Variants in EFCAB6 observed in about 807,000 individuals in gnomAD.
The protein encoded by EFCAB6 is EF-hand calcium binding domain 6, also known as EF-hand calcium-binding domain-containing protein 6.
In EFCAB6, 156 loss-of-function variants were observed where a neutral mutation model predicts 169.8. That is an observed-to-expected ratio of 0.92 (90% CI 0.81 to 1.05). EFCAB6 has a LOEUF of 1.05. Ranked by LOEUF, EFCAB6 falls within the 50% of genes least tolerant of loss-of-function variation. The pLI is 0.00. For synonymous variants in EFCAB6, 698 were observed against 676.4 expected (o/e 1.03, Z -0.50); for missense variants, 1,800 against 1,829.1 (o/e 0.98, Z 0.29).
intron 17 of EFCAB6, among the ~76,000 whole-genome samples, chr22:43,647,103 A>C (rs1201190689): frequency 2.0e-5 from 3 of 148,498 alleles, no homozygotes; most frequent in African/African-American, 7.4e-5. Context: ...TTTCCACTAA[A>C]TCTTGCTATA....
intron 17 of EFCAB6, among the ~76,000 whole-genome samples, chr22:43,640,277 A>G (rs930146850): frequency 1.3e-5 from 2 of 152,182 alleles, no homozygotes; most frequent in African/African-American, 4.8e-5. Flanking sequence ...ATGTCTACAT[A>G]TGTTATAAAT....
chr22:43,635,087 T>C lies in EFCAB6; in HGVS notation c.2098+15A>G, dbSNP rs746734246. The C allele has an allele frequency of 6.2e-7, 1 of 1,609,832 alleles. No individual in the cohort carries two copies. Among genetic ancestry groups the C allele is most frequent in the Non-Finnish European group, 8.5e-7 (1 of 1,176,072 alleles). ...AGGACGCATCCCACAGGGTGTGGAC[T>C]TGGCCATTAGCTACCTTCAAATCCT... On this transcript the variant is annotated intron_variant, in intron 18 of 31. Transcript: ENST00000262726.
At chr22:43,758,061 T>C (rs2061021648) in intron 5 of EFCAB6, among the ~76,000 whole-genome samples, 2 of 152,218 alleles carry the variant, frequency 1.3e-5, no homozygotes, top group Admixed American at 6.5e-5. Context: ...GTCTTAAAAT[T>C]TATTTTGCCA....
chr22:43,576,196 T>C, intron 26 of EFCAB6, 101 bp downstream of exon 26: 2 of 1,000,914 alleles, frequency 2.0e-6, no homozygotes, highest in Non-Finnish European at 2.8e-6. Context: ...CATGAGGTGA[T>C]TGCCAATTTA....
intron 17 of EFCAB6, among the ~76,000 whole-genome samples, chr22:43,662,631 G>A (rs953381578): frequency 1.3e-5 from 2 of 151,936 alleles, no homozygotes; most frequent in Non-Finnish European, 2.9e-5. Context: ...CAAGAACATT[G>A]TATATCCATG....
chr22:43,705,550 C>T (rs1232518207), intron 10 of EFCAB6, among the ~76,000 whole-genome samples: 1 of 151,938 alleles, frequency 6.6e-6, no homozygotes, highest in East Asian at 1.9e-4. Flanking sequence ...TGATCTAAAA[C>T]TAGAAACCAA....
intron 2 of EFCAB6, among the ~76,000 whole-genome samples, chr22:43,793,584 T>C (rs2062390265): frequency 6.6e-6 from 1 of 152,164 alleles, no homozygotes; most frequent in African/African-American, 2.4e-5. Context: ...TTAAAGAAAA[T>C]GGCAATATGT....
intron 10 of EFCAB6, among the ~76,000 whole-genome samples, chr22:43,705,834 A>G (rs1427721598): frequency 6.6e-6 from 1 of 152,158 alleles, no homozygotes; most frequent in Non-Finnish European, 1.5e-5. Flanking sequence ...AAGGAAATAG[A>G]AAAAAAGAGC....
chr22:43,637,020 C>T (rs1569294337), intron 17 of EFCAB6, among the ~76,000 whole-genome samples: 1 of 152,142 alleles, frequency 6.6e-6, no homozygotes, highest in Non-Finnish European at 1.5e-5. Context: ...CCAGGGGGAG[C>T]GGCAAGCAGC....
At position 43,572,028 on chromosome 22, in the gene EFCAB6, A is replaced by T. The variant is rs971770601; in HGVS notation, c.3420+4269T>A. ...ATCCCATTGAATTCCCAGAAAACAG[A>T]TCGCACACTGATGGGACAGGGCAGG... is the stretch of plus-strand genomic sequence containing the variant. On this transcript the variant is annotated intron_variant, in intron 26 of 31. Transcript: ENST00000262726. The surrounding 1 kb of genome is among the most constrained non-coding windows in gnomAD (Gnocchi z 4.0). 6.6e-6 allele frequency among the ~76,000 whole-genome samples: 1 copy of T among 152,160 alleles called. No individual in the cohort carries two copies. Among genetic ancestry groups the T allele is most frequent in the African/African-American group, 2.4e-5 (1 of 41,430 alleles).
chr22:43,582,905 C>T (rs2050823256), intron 24 of EFCAB6, among the ~76,000 whole-genome samples: 1 of 152,178 alleles, frequency 6.6e-6, no homozygotes, highest in Non-Finnish European at 1.5e-5. Flanking sequence ...CAAACAACTA[C>T]CTTTTCCCCA....
At chr22:43,653,793 G>A (rs2148079829) in intron 17 of EFCAB6, among the ~76,000 whole-genome samples, 1 of 152,244 alleles carries the variant, frequency 6.6e-6, no homozygotes, top group South Asian at 2.1e-4. Flanking sequence ...GAAGGGGCAG[G>A]GGGAGGGCGC....
At chr22:43,750,720 T>C (rs1449449546) in intron 6 of EFCAB6, among the ~76,000 whole-genome samples, 2 of 152,248 alleles carry the variant, frequency 1.3e-5, no homozygotes, top group African/African-American at 4.8e-5. Context: ...GGTGTGTTTA[T>C]GAAATGGTGG....
At chr22:43,713,309 G>A (rs563332561) in intron 9 of EFCAB6, among the ~76,000 whole-genome samples, 4 of 152,240 alleles carry the variant, frequency 2.6e-5, no homozygotes, top group Admixed American at 2.0e-4. Flanking sequence ...CATGCAGTCA[G>A]CACTCAATAA....
chr22:43,654,307 C>T (rs1370686095), intron 17 of EFCAB6, among the ~76,000 whole-genome samples: 1 of 152,208 alleles, frequency 6.6e-6, no homozygotes, highest in African/African-American at 2.4e-5. Flanking sequence ...GAGGGCTGTG[C>T]ACCATGGATT....
intron 26 of EFCAB6, among the ~76,000 whole-genome samples, chr22:43,569,206 T>C (rs2049668913): frequency 6.6e-6 from 1 of 152,246 alleles, no homozygotes; most frequent in Non-Finnish European, 1.5e-5. Flanking sequence ...GGAGCTGCAG[T>C]GTCGCCACAG....
At chr22:43,718,078 A>ATCCC (rs1463733441) in intron 8 of EFCAB6, among the ~76,000 whole-genome samples, 1 of 151,820 alleles carries the variant, frequency 6.6e-6, no homozygotes, top group Non-Finnish European at 1.5e-5. Context: ...CCATCCATCC[A>ATCCC]TCCATCCATG....
rs368919781 is a variant in EFCAB6 at position 43,658,648 on chromosome 22, C to T, written c.1983+8456G>A. Among the ~76,000 whole-genome samples, 104 of 152,256 alleles carry T rather than the reference C, an allele frequency of 6.8e-4. 1 individual carries two copies. In the South Asian group the frequency reaches 0.014, roughly 21 times the overall value. ...AGCTGAGGCTGTGGCTGCTTTTGCC[C>T]TCAGGGAACGTGCCCTTCGGGGCAC... On this transcript the variant is annotated intron_variant, in intron 17 of 31. Transcript: ENST00000262726.
chr22:43,790,086 T>C (rs1021773736), intron 2 of EFCAB6, among the ~76,000 whole-genome samples: 8 of 152,172 alleles, frequency 5.3e-5, no homozygotes, highest in Non-Finnish European at 1.5e-5. Context: ...GAAATCCACA[T>C]TGGCTAGTAC....
Sources: allele counts gnomAD v4.1 joint callset (sites outside exome capture counted in the v4.1 genomes callset), GRCh38; gene constraint gnomAD v4.1.1; non-coding constraint Gnocchi (gnomAD v3.1); transcripts MANE v1.5; gene names NCBI Gene and HGNC (gene_info 2026-07-23, HGNC 2026-07-21).